The following AP1G1 variants were observed in gnomAD, a reference collection of about 807,000 sequenced individuals.
The protein encoded by AP1G1 is adaptor related protein complex 1 subunit gamma 1, also known as AP-1 complex subunit gamma-1.
A neutral mutation model predicts 108.3 loss-of-function variants in AP1G1; 7 were observed. That is an observed-to-expected ratio of 0.06 (90% CI 0.04 to 0.12). The LOEUF is 0.12. Among genes scored for constraint, AP1G1 ranks in the 10% least tolerant of loss-of-function variants. AP1G1 has a pLI of 1.00. For missense variants in AP1G1, 756 were observed against 1,010.7 expected (o/e 0.75, Z 3.42); for synonymous variants, 379 against 353.5 (o/e 1.07, Z -0.81).
chr16:71,779,614 A>G (rs1323589177), intron 2 of AP1G1, among the ~76,000 whole-genome samples: 1 of 152,118 alleles, frequency 6.6e-6, no homozygotes, highest in African/African-American at 2.4e-5. Context: ...CACTGGTATT[A>G]CAGGTGTGAG....
At chr16:71,796,562 A>C (rs972498643) in intron 1 of AP1G1, among the ~76,000 whole-genome samples, 2 of 152,120 alleles carry the variant, frequency 1.3e-5, no homozygotes, top group East Asian at 3.9e-4. Context: ...ATAACTTACA[A>C]ATCAGTGTGT....
intron 1 of AP1G1, among the ~76,000 whole-genome samples, chr16:71,790,524 T>C (rs1432773680): frequency 8.5e-6 from 1 of 117,298 alleles, no homozygotes; most frequent in African/African-American, 3.0e-5. Flanking sequence ...TGAAACTCCA[T>C]CTCAAAAAAA....
intron 2 of AP1G1, among the ~76,000 whole-genome samples, chr16:71,780,982 C>G (rs926718548): frequency 3.9e-5 from 6 of 152,156 alleles, no homozygotes; most frequent in Middle Eastern, 3.4e-3. Flanking sequence ...TGTACCCTAC[C>G]CTAACTTTTT....
At chr16:71,765,139 G>C (rs1469321343) in intron 7 of AP1G1, among the ~76,000 whole-genome samples, 1 of 152,194 alleles carries the variant, frequency 6.6e-6, no homozygotes, top group African/African-American at 2.4e-5. Flanking sequence ...CCAGGAGTTT[G>C]AGACCAGCCT....
intron 14 of AP1G1, 66 bp downstream of exon 14, chr16:71,750,144 A>T: frequency 6.3e-7 from 1 of 1,586,414 alleles, no homozygotes; most frequent in South Asian, 1.1e-5. Flanking sequence ...GAAAAAAAAG[A>T]AGAAAAACAT....
chr16:71,786,977 G>A (rs1029863627), intron 2 of AP1G1, among the ~76,000 whole-genome samples: 1 of 151,802 alleles, frequency 6.6e-6, no homozygotes. Flanking sequence ...TAAGCCTGAG[G>A]TGTCCACTGC....
At chr16:71,758,376 T>C in intron 11 of AP1G1, 1 of 514,676 alleles carries the variant, frequency 1.9e-6, no homozygotes, top group Non-Finnish European at 3.9e-6. Context: ...GCCTTCAGGA[T>C]CCTGGGGCGT....
At chr16:71,797,016 TTATA>T (rs57137990) in intron 1 of AP1G1, among the ~76,000 whole-genome samples, 1,699 of 145,798 alleles carry the variant, frequency 0.012, 21 homozygotes, top group South Asian at 0.023. Context: ...AAAAAAAAAA[TTATA>T]TATATATATA....
At chr16:71,754,236 G>T (rs558001630) in intron 12 of AP1G1, among the ~76,000 whole-genome samples, 1 of 149,242 alleles carries the variant, frequency 6.7e-6, no homozygotes, top group Admixed American at 6.8e-5. Flanking sequence ...AAAAGAAAGG[G>T]AAGAAAGAGA....
At chr16:71,793,931 T>C (rs942881572) in intron 1 of AP1G1, among the ~76,000 whole-genome samples, 1 of 152,204 alleles carries the variant, frequency 6.6e-6, no homozygotes, top group African/African-American at 2.4e-5. Flanking sequence ...TTGCCCAGGC[T>C]GGTCTCAAAC....
At chr16:71,749,032 G>A (rs1456853572) in intron 15 of AP1G1, among the ~76,000 whole-genome samples, 2 of 151,824 alleles carry the variant, frequency 1.3e-5, no homozygotes, top group Admixed American at 6.6e-5. Context: ...TCAGCCTCCC[G>A]AGTAGCTGGG....
chr16:71,788,911 T>C (rs1486762887), intron 2 of AP1G1, among the ~76,000 whole-genome samples: 6 of 152,106 alleles, frequency 3.9e-5, no homozygotes, highest in Non-Finnish European at 7.4e-5. Flanking sequence ...CCCACTTCAG[T>C]GTCCCAAGTA....
At chr16:71,788,617 G>T (rs928803379) in intron 2 of AP1G1, among the ~76,000 whole-genome samples, 1 of 151,486 alleles carries the variant, frequency 6.6e-6, no homozygotes, top group African/African-American at 2.4e-5. Context: ...TCCACACAAC[G>T]CTGTGCCCAG....
chr16:71,769,398 C>G, intron 6 of AP1G1: 1 of 488,852 alleles, frequency 2.0e-6, no homozygotes, highest in Non-Finnish European at 3.8e-6. Context: ...TGTCTGCCAA[C>G]AATGAGAGAA....
chr16:71,740,949 C>T (rs2045611851), intron 19 of AP1G1, among the ~76,000 whole-genome samples: 2 of 152,026 alleles, frequency 1.3e-5, no homozygotes, highest in Non-Finnish European at 1.5e-5. Flanking sequence ...ACACACGCAC[C>T]CTGTGAGGGG....
At chr16:71,808,036 A>T in intron 1 of AP1G1, 1 of 1,200,914 alleles carries the variant, frequency 8.3e-7, no homozygotes, top group Non-Finnish European at 1.1e-6. Flanking sequence ...GGTTCGATGG[A>T]TCTCCTACAC....
At position 71,807,784 on chromosome 16, in the gene AP1G1, C is replaced by T. The variant is rs549075683; in HGVS notation, c.-4+979G>A. ...AACTAATCACTGTAAAGCAGCCCAA[C>T]TCTCCTTTCTACCTACCTCAGATTA... On this transcript the variant is annotated intron_variant, in intron 1 of 22. Transcript: ENST00000299980. 1.6e-5 allele frequency: 21 copies of T among 1,286,546 alleles called. No individual in the cohort carries two copies. In the African/African-American group the frequency reaches 3.2e-4, roughly 20 times the overall value. The allele number at this position is 1,286,546 out of a possible 1,614,324, so 79.7% of individuals were successfully genotyped here.
intron 21 of AP1G1, among the ~76,000 whole-genome samples, chr16:71,736,098 CAAAAA>C (rs1213680207): frequency 1.2e-4 from 3 of 25,426 alleles, no homozygotes; most frequent in African/African-American, 3.8e-4. Context: ...GACTCCATCT[CAAAAA>C]AAAAAAAAAA....
At position 71,767,481 on chromosome 16, in the gene AP1G1, T is replaced by C. The variant is rs868479892; in HGVS notation, c.643-1897A>G. On this transcript the variant is annotated intron_variant, in intron 6 of 22. Transcript: ENST00000299980. ...GCAGTACATACGGAGCTTTTTAAAGTATGAGGTTACCCACATGCGGTTCTA... is the reference window on the plus strand; with the variant it reads ...GCAGTACATACGGAGCTTTTTAAAGCATGAGGTTACCCACATGCGGTTCTA... Among the ~76,000 whole-genome samples, 9 of 152,346 alleles carry C rather than the reference T, an allele frequency of 5.9e-5. 1 individual carries two copies. In the Middle Eastern group the frequency reaches 0.01, roughly 173 times the overall value.
Sources: allele counts gnomAD v4.1 joint callset (sites outside exome capture counted in the v4.1 genomes callset), GRCh38; gene constraint gnomAD v4.1.1; transcripts MANE v1.5; gene names NCBI Gene and HGNC (gene_info 2026-07-23, HGNC 2026-07-21).